ZKSCAN3: variants seen among roughly 807,000 people sequenced by gnomAD.
ZKSCAN3 encodes the protein zinc finger protein with KRAB and SCAN domains 3.
Under a neutral mutation model 30.7 loss-of-function variants are expected in ZKSCAN3, and 21 were observed. That is an observed-to-expected ratio of 0.68 (90% CI 0.49 to 0.99). The LOEUF (loss-of-function observed/expected upper bound fraction) is 0.99, where lower values mean the gene tolerates loss of function less well. ZKSCAN3 is among the 50% of genes least tolerant of loss of function. The pLI, the probability that ZKSCAN3 is intolerant of heterozygous loss-of-function variation, is 0.00. For missense variants in ZKSCAN3, 507 were observed against 647.1 expected (o/e 0.78, Z 2.35); for synonymous variants, 201 against 246.7 (o/e 0.81, Z 1.73).
Position 28,359,643 on chromosome 6 carries a change from G to C in ZKSCAN3, c.57G>C (p.Gln19His), listed in dbSNP as rs1345590215. The change falls in exon 2 of 6, where the codon CAG (glutamine) becomes CAC (histidine). Residue 19 changes from glutamine (Q) to histidine (H), a missense_variant. Coordinates refer to ENST00000252211, the MANE Select transcript of ZKSCAN3 (RefSeq NM_024493.4). The stretch of plus-strand genomic sequence containing the variant: ...TGGATGCCCAGTCTACAGAAGACCA[G>C]ATGGAGCTTCTGGTCATAAAGGTGG... ...TALDAQSTED[Q>H]MELLVIKVEE... 1 of 1,614,262 alleles carries C rather than the reference G, an allele frequency of 6.2e-7. No homozygotes were observed. The highest frequency in any genetic ancestry group is 1.1e-5 in the South Asian group (1 of 91,088).
Position 28,366,537 on chromosome 6 carries a change from C to T in ZKSCAN3, c.*252C>T. On this transcript the variant is annotated 3_prime_UTR_variant, in exon 6 of 6. Coordinates refer to ENST00000252211, the MANE Select transcript of ZKSCAN3 (RefSeq NM_024493.4). The stretch of plus-strand genomic sequence containing the variant: ...TAAGACCTGAAACTGTTTGTTCTCT[C>T]CCACTAGAATTAAATGGATGTTTAG... 2 of 322,256 alleles carry T rather than the reference C, an allele frequency of 6.2e-6. No homozygotes were observed. Among genetic ancestry groups the T allele is most frequent in the Admixed American group, 8.9e-5 (2 of 22,402 alleles). 20.0% of individuals were successfully genotyped at this position (322,256 alleles called of 1,614,324 possible).
intron 3 of ZKSCAN3, among the ~76,000 whole-genome samples, chr6:28,362,453 A>C (rs1030338603): frequency 6.6e-6 from 1 of 152,216 alleles, no homozygotes; most frequent in Non-Finnish European, 1.5e-5. Flanking sequence ...ATGTCCTTTC[A>C]TGTGTCTTAA....
chr6:28,358,508 T>A (rs1765568269), intron 1 of ZKSCAN3, among the ~76,000 whole-genome samples: 1 of 151,512 alleles, frequency 6.6e-6, no homozygotes, highest in South Asian at 2.1e-4. Flanking sequence ...GTTGGTTGAA[T>A]CTCTCAATGC....
At position 28,366,045 on chromosome 6, in the gene ZKSCAN3, G is replaced by A. The variant is rs1765951798; in HGVS notation, c.1377G>A (p.Gln459=). The A allele has an allele frequency of 1.9e-6, 3 of 1,610,814 alleles. No homozygotes were observed. Among genetic ancestry groups the A allele is most frequent in the Admixed American group, 3.4e-5 (2 of 59,386 alleles). The part of the protein sequence containing the change: ...TGDKNVQEPE[Q]GEAWKSRMES... Reference sequence around the variant, plus strand: ...ATAAAAATGTTCAGGAACCTGAGCAGGGAGAGGCCTGGAAAAGTAGGATGG... The same window carrying A: ...ATAAAAATGTTCAGGAACCTGAGCAAGGAGAGGCCTGGAAAAGTAGGATGG... The change falls in exon 6 of 6, where the codon CAG becomes CAA. Residue 459 remains glutamine, a synonymous_variant. Transcript: ENST00000252211.
rs140495719 is a variant in ZKSCAN3, at chr6:28,366,121, T to C, written c.1453T>C (p.Cys485Arg). 4.9e-4 allele frequency: 784 copies of C among 1,610,622 alleles called. 1 individual carries two copies. The highest frequency in any genetic ancestry group is 1.2e-3 in the Admixed American group (68 of 59,096). Residue 485 changes from cysteine (C) to arginine (R), a missense_variant, in exon 6 of 6, where the codon TGT (cysteine) becomes CGT (arginine). Transcript: ENST00000252211. ...TCCCATGTCTTATAAATGTAATGAG[T>C]GTGAAAGAAGTTTCACTCAGAATAC... ...ETPMSYKCNECERSFTQNTGL... is the reference protein window; with the variant it reads ...ETPMSYKCNERERSFTQNTGL...
chr6:28,353,920 A>G (rs1437973880), intron 1 of ZKSCAN3: 1 of 455,558 alleles, frequency 2.2e-6, no homozygotes, highest in East Asian at 6.9e-5. Flanking sequence ...GAGTTGTTGG[A>G]TGGGTGGCAG....
At chr6:28,363,918 T>G (rs1561939893) in intron 5 of ZKSCAN3, 103 bp downstream of exon 5, 1 of 1,443,590 alleles carries the variant, frequency 6.9e-7, no homozygotes, top group Non-Finnish European at 9.4e-7. Flanking sequence ...TATGTTTGGA[T>G]TCACAATCAC....
At chr6:28,360,884 A>G (rs926765723) in intron 2 of ZKSCAN3, among the ~76,000 whole-genome samples, 6 of 151,976 alleles carry the variant, frequency 3.9e-5, no homozygotes, top group African/African-American at 1.4e-4. Flanking sequence ...ATCGTATGCC[A>G]GGCCATGTTA....
Position 28,359,644 on chromosome 6 carries a change from A to T in ZKSCAN3, c.58A>T (p.Met20Leu). Residue 20 changes from methionine (M) to leucine (L), a missense_variant, in exon 2 of 6, where the codon ATG becomes TTG. By Grantham distance (15) the Met-to-Leu change is conservative. Transcript: ENST00000252211. The part of the protein sequence containing the change: ...ALDAQSTEDQ[M>L]ELLVIKVEEE... The stretch of plus-strand genomic sequence containing the variant: ...GGATGCCCAGTCTACAGAAGACCAG[A>T]TGGAGCTTCTGGTCATAAAGGTGGA... 1 of 1,614,236 alleles carries T rather than the reference A, an allele frequency of 6.2e-7. No homozygotes were observed. The highest frequency in any genetic ancestry group is 8.5e-7 in the Non-Finnish European group (1 of 1,180,042).
chr6:28,362,608 T>C (rs746547938), intron 3 of ZKSCAN3, among the ~76,000 whole-genome samples: 19 of 152,092 alleles, frequency 1.2e-4, no homozygotes, highest in Non-Finnish European at 2.4e-4. Context: ...AAGGAATACA[T>C]GAGGAATATA....
In ZKSCAN3 at chr6:28,351,867, C is replaced by G. The variant is rs1417472984; in HGVS notation, c.-63+1800C>G. 6.6e-6 allele frequency among the ~76,000 whole-genome samples: 1 copy of G among 152,114 alleles called. No homozygotes were observed. Among genetic ancestry groups the G allele is most frequent in the Non-Finnish European group, 1.5e-5 (1 of 68,040 alleles). On this transcript the variant is annotated intron_variant, in intron 1 of 5. Coordinates refer to ENST00000252211, the MANE Select transcript of ZKSCAN3 (RefSeq NM_024493.4). This position sits in a 1 kb window ranked among gnomAD's most constrained non-coding sequence, Gnocchi z 4.6. ...TACTTCAGTGTCAATTTCTTATATA[C>G]AGGGACTTTTATCTTAATATAATCA...
At chr6:28,362,110 A>G (rs1765793281) in intron 3 of ZKSCAN3, among the ~76,000 whole-genome samples, 1 of 152,154 alleles carries the variant, frequency 6.6e-6, no homozygotes, top group African/African-American at 2.4e-5. Flanking sequence ...TATACCAGCT[A>G]CTTGTCTTTG....
In ZKSCAN3 at chr6:28,366,107, A is replaced by T; in HGVS notation, c.1439A>T (p.Tyr480Phe). Residue 480 changes from tyrosine to phenylalanine, a missense_variant, in exon 6 of 6, where the codon TAT (tyrosine) becomes TTT (phenylalanine). Tyr to Phe is a conservative substitution (Grantham distance 22). Transcript: ENST00000252211. ...QLENVETPMSYKCNECERSFT... is the reference protein window; with the variant it reads ...QLENVETPMSFKCNECERSFT... Reference sequence around the variant, plus strand: ...GAAAATGTTGAAACTCCCATGTCTTATAAATGTAATGAGTGTGAAAGAAGT... The same window carrying T: ...GAAAATGTTGAAACTCCCATGTCTTTTAAATGTAATGAGTGTGAAAGAAGT... 6.2e-7 allele frequency: 1 copy of T among 1,610,330 alleles called. No homozygotes were observed. Among genetic ancestry groups the T allele is most frequent in the East Asian group, 2.2e-5 (1 of 44,848 alleles).
chr6:28,363,287 C>T lies in ZKSCAN3; in HGVS notation c.551-16C>T. ...ATGCCAGGGTACATCTCATCCAGAG[C>T]TTCTTTCCTTCTTAGTTCTCCAGGT... On this transcript the variant is annotated splice_polypyrimidine_tract_variant and intron_variant, in intron 3 of 5. Coordinates refer to ENST00000252211, the MANE Select transcript of ZKSCAN3 (RefSeq NM_024493.4). The T allele has an allele frequency of 6.2e-7, 1 of 1,612,044 alleles. No homozygotes were observed. Among genetic ancestry groups the T allele is most frequent in the Non-Finnish European group, 8.5e-7 (1 of 1,178,322 alleles).
At chr6:28,359,422 G>T in intron 1 of ZKSCAN3, 103 bp from the exon 2 acceptor site, 1 of 846,142 alleles carries the variant, frequency 1.2e-6, no homozygotes, top group Non-Finnish European at 1.8e-6. Context: ...TGAACATGGA[G>T]AAATTTCTGC....
At chr6:28,363,466 C>T in intron 4 of ZKSCAN3, 81 bp downstream of exon 4, 1 of 1,399,684 alleles carries the variant, frequency 7.1e-7, no homozygotes, top group African/African-American at 1.4e-5. Context: ...CCCCATTCCC[C>T]TCCACCCCAA....
intron 1 of ZKSCAN3, among the ~76,000 whole-genome samples, chr6:28,355,085 T>C (rs558047012): frequency 5.3e-5 from 8 of 152,288 alleles, no homozygotes; most frequent in African/African-American, 1.7e-4. Flanking sequence ...CCATGCCCCA[T>C]TGGGAATGCG....
rs1342411091 is a variant in ZKSCAN3 at position 28,366,684 on chromosome 6, C to T, written c.*399C>T. ...TGAATCCTCCACAGTTGGTCAGATT[C>T]ATAAAGTCTTATATCCCCCTCTGTG... On this transcript the variant is annotated 3_prime_UTR_variant, in exon 6 of 6. Coordinates refer to ENST00000252211, the MANE Select transcript of ZKSCAN3 (RefSeq NM_024493.4). 2 of 160,218 alleles carry T rather than the reference C, an allele frequency of 1.2e-5. No homozygotes were observed. Among genetic ancestry groups the T allele is most frequent in the Non-Finnish European group, 2.7e-5 (2 of 73,532 alleles). The allele number at this position is 160,218 out of a possible 1,614,324, so 9.9% of individuals were successfully genotyped here. A position where few individuals can be genotyped will look rare whatever the true frequency, so the allele number is the denominator to read the frequency against.
Position 28,366,493 on chromosome 6 carries a change from G to A in ZKSCAN3, c.*208G>A, listed in dbSNP as rs1034692462. ...AAACATATTTGATAGGAGGCTACGG[G>A]AGAGTTGTCTAGAAGAGGTAAGACC... On this transcript the variant is annotated 3_prime_UTR_variant, in exon 6 of 6. Transcript: ENST00000252211. 1.7e-5 allele frequency: 8 copies of A among 466,430 alleles called. No individual in the cohort carries two copies. The highest frequency in any genetic ancestry group is 2.5e-5 in the Non-Finnish European group (7 of 280,428). 28.9% of individuals were successfully genotyped at this position (466,430 alleles called of 1,614,324 possible).
Sources: allele counts gnomAD v4.1 joint callset (sites outside exome capture counted in the v4.1 genomes callset), GRCh38; gene constraint gnomAD v4.1.1; non-coding constraint Gnocchi (gnomAD v3.1); transcripts MANE v1.5; gene names NCBI Gene and HGNC (gene_info 2026-07-23, HGNC 2026-07-21).